The following NAV1 variants were observed in gnomAD, a reference collection of about 807,000 sequenced individuals.
NAV1 encodes the protein neuron navigator 1.
A neutral mutation model predicts 175.2 loss-of-function variants in NAV1; 18 were observed. The observed-to-expected ratio is 0.10, with a 90% confidence interval of 0.07 to 0.15. The LOEUF (loss-of-function observed/expected upper bound fraction) is 0.15, where lower values mean the gene tolerates loss of function less well. Ranked by LOEUF, NAV1 falls within the 10% of genes least tolerant of loss-of-function variation. The pLI is 1.00. For synonymous variants in NAV1, 897 were observed against 978.7 expected, an observed-to-expected ratio of 0.92 and a Z score of 1.56; for missense variants, 1,731 against 2,436.6, an observed-to-expected ratio of 0.71 and a Z score of 6.10.
At chr1:201,650,409 T>G (rs533688603) in intron 1 of NAV1, among the ~76,000 whole-genome samples, 5 of 152,272 alleles carry the variant, frequency 3.3e-5, no homozygotes, top group African/African-American at 1.2e-4. Flanking sequence ...ACAAGGACGG[T>G]GGGGCCTGGT....
intron 2 of NAV1, among the ~76,000 whole-genome samples, chr1:201,602,640 T>G (rs1571840973): frequency 6.9e-6 from 1 of 143,886 alleles, no homozygotes; most frequent in East Asian, 2.1e-4. Flanking sequence ...AAGCTATGTT[T>G]TTTTTTTTTG....
chr1:201,707,033 C>T (rs1328153895), intron 1 of NAV1, among the ~76,000 whole-genome samples: 1 of 152,088 alleles, frequency 6.6e-6, no homozygotes, highest in Non-Finnish European at 1.5e-5. Context: ...TAAGATTGGC[C>T]CCAAGAGAAC....
chr1:201,684,502 C>T, intron 1 of NAV1, among the ~76,000 whole-genome samples: 1 of 128,554 alleles, frequency 7.8e-6, no homozygotes. Context: ...TAGACAGAGT[C>T]TCACTCTTGT....
rs1665604847 is a variant in NAV1 at position 201,544,312 on chromosome 1, C to A, written c.-144+4970C>A. 2.6e-5 allele frequency among the ~76,000 whole-genome samples: 4 copies of A among 152,250 alleles called. No homozygotes were observed. The South Asian group carries it at 8.3e-4, about 31-fold the overall frequency. On this transcript the variant is annotated intron_variant, in intron 1 of 33. Coordinates refer to the NAV1 transcript ENST00000685211. Reference sequence around the variant, plus strand: ...CGCTGGAACCCTTGACTGGTCACAGCTTTCAATGACGCAATTCCCTCCCCA... The same window carrying A: ...CGCTGGAACCCTTGACTGGTCACAGATTTCAATGACGCAATTCCCTCCCCA...
chr1:201,743,027 C>T (rs764289535), intron 3 of NAV1, among the ~76,000 whole-genome samples: 2 of 152,122 alleles, frequency 1.3e-5, no homozygotes, highest in African/African-American at 2.4e-5. Flanking sequence ...TGCTTTGTAA[C>T]CATTTTTTCA....
chr1:201,788,068 C>G lies in NAV1; in HGVS notation c.2996-400C>G, dbSNP rs533185131. Among the ~76,000 whole-genome samples the G allele has an allele frequency of 6.8e-4, 104 of 152,278 alleles. 1 individual carries two copies. The highest frequency in any genetic ancestry group is 2.4e-3 in the African/African-American group (99 of 41,544). On this transcript the variant is annotated intron_variant, in intron 9 of 29. Transcript: ENST00000367296. This position sits in a 1 kb window ranked among gnomAD's most constrained non-coding sequence, Gnocchi z 5.7. ...AGATCTGGGTCTTGGTTTGAATTTT[C>G]AGTCCTCCTGAGCTGGCAGTTGTGT...
At chr1:201,745,025 T>C (rs1256153010) in intron 3 of NAV1, among the ~76,000 whole-genome samples, 3 of 152,232 alleles carry the variant, frequency 2.0e-5, no homozygotes, top group African/African-American at 7.2e-5. Flanking sequence ...GTCTTTCAGC[T>C]GTCCTTGCCC....
Position 201,782,474 on chromosome 1 carries a change from T to C in NAV1, c.1962T>C (p.Ser654=), listed in dbSNP as rs762007165. The stretch of plus-strand genomic sequence containing the variant: ...AGACTAGCTTAGATGTTTCCAACAG[T>C]GCAGAGCCAGGATTCCTGGCTCCTG... The change falls in exon 6 of 30, where the codon AGT becomes AGC. Residue 654 remains serine, a synonymous_variant. Coordinates refer to ENST00000367296, the Ensembl canonical transcript of NAV1. This position sits in a 1 kb window ranked among gnomAD's most constrained non-coding sequence, Gnocchi z 5.4. 1 of 1,613,642 alleles carries C rather than the reference T, an allele frequency of 6.2e-7. No homozygotes were observed. Among genetic ancestry groups the C allele is most frequent in the African/African-American group, 1.3e-5 (1 of 75,028 alleles).
chr1:201,727,659 A>G (rs970623911), intron 3 of NAV1, among the ~76,000 whole-genome samples: 1 of 152,230 alleles, frequency 6.6e-6, no homozygotes, highest in Non-Finnish European at 1.5e-5. Flanking sequence ...AGGTGCCCAG[A>G]AAGTGCTGAC....
chr1:201,651,443 AGAG>A (rs567847785), intron 1 of NAV1, among the ~76,000 whole-genome samples: 2 of 151,930 alleles, frequency 1.3e-5, no homozygotes, highest in Admixed American at 6.6e-5. Context: ...GGAGGGCGAG[AGAG>A]GAGGAGAAGC....
intron 22 of NAV1, 87 bp from the exon 27 acceptor site, chr1:201,809,859 C>T: frequency 7.8e-7 from 1 of 1,283,054 alleles, no homozygotes; most frequent in Non-Finnish European, 1.1e-6. Context: ...CCATCTATTT[C>T]TGTTTCCTCT....
At chr1:201,607,122 T>TC (rs200742640) in intron 2 of NAV1, among the ~76,000 whole-genome samples, 7,947 of 143,218 alleles carry the variant, frequency 0.055, 228 homozygotes, top group Middle Eastern at 0.082. Flanking sequence ...TTTCTTTTTT[T>TC]TTTTTTTTTT....
chr1:201,642,079 C>T (rs1182379040), intron 2 of NAV1, among the ~76,000 whole-genome samples: 2 of 145,820 alleles, frequency 1.4e-5, no homozygotes, highest in East Asian at 2.0e-4. Flanking sequence ...TTCCTTCCTC[C>T]CTCCCTCCCT....
Position 201,740,442 on chromosome 1 carries a change from G to C in NAV1, c.1226+21687G>C, listed in dbSNP as rs1411220115. 6.6e-6 allele frequency among the ~76,000 whole-genome samples: 1 copy of C among 152,192 alleles called. No homozygotes were observed. Among genetic ancestry groups the C allele is most frequent in the Non-Finnish European group, 1.5e-5 (1 of 68,036 alleles). ...GAACTTCGATGGTTGCGGCTGTGGCGCGTGGGGGCCCGGCCTGTGAGGGTC... is the reference window on the plus strand; with the variant it reads ...GAACTTCGATGGTTGCGGCTGTGGCCCGTGGGGGCCCGGCCTGTGAGGGTC... On this transcript the variant is annotated intron_variant, in intron 3 of 29. Transcript: ENST00000367296. This position sits in a 1 kb window ranked among gnomAD's most constrained non-coding sequence, Gnocchi z 4.7.
chr1:201,675,425 C>T (rs1014103932), intron 1 of NAV1, among the ~76,000 whole-genome samples: 4 of 152,284 alleles, frequency 2.6e-5, no homozygotes, highest in East Asian at 1.9e-4. Context: ...TGGCCAGCCT[C>T]GTGTAACCTC....
At chr1:201,736,317 T>C (rs1571915600) in intron 3 of NAV1, among the ~76,000 whole-genome samples, 2 of 152,236 alleles carry the variant, frequency 1.3e-5, no homozygotes, top group Admixed American at 1.3e-4. Flanking sequence ...CCCAGACAGG[T>C]GACCCTGGAA....
intron 2 of NAV1, among the ~76,000 whole-genome samples, chr1:201,638,603 T>C (rs543977107): frequency 1.3e-5 from 2 of 152,352 alleles, no homozygotes; most frequent in Non-Finnish European, 2.9e-5. Context: ...GCAGTTATTA[T>C]ATTAAGCAAG....
intron 15 of NAV1, 82 bp downstream of exon 19, chr1:201,794,659 A>G: frequency 8.2e-7 from 1 of 1,222,648 alleles, no homozygotes; most frequent in Non-Finnish European, 1.2e-6. Context: ...GGCCCATAGT[A>G]TTCCAAGTCC....
exon 1 of NAV1, chr1:201,648,643 T>C (rs1301740886): frequency 1.5e-5 from 20 of 1,314,134 alleles, no homozygotes; most frequent in Non-Finnish European, 1.9e-5. Context: ...GACGCGCGGA[T>C]CGTCCATGCG....
Sources: gnomAD v4.1 joint callset for allele counts (sites outside exome capture counted in the v4.1 genomes callset) on GRCh38, gnomAD v4.1.1 for gene constraint, Gnocchi (gnomAD v3.1) non-coding constraint, MANE v1.5 for transcripts, NCBI Gene and HGNC (gene_info 2026-07-23, HGNC 2026-07-21) for gene names.